KAZN: variants seen among roughly 807,000 people sequenced by gnomAD.
KAZN encodes kazrin, periplakin interacting protein, also known as kazrin.
Under a neutral mutation model 87.4 loss-of-function variants are expected in KAZN, and 40 were observed. The observed-to-expected ratio is 0.46, with a 90% confidence interval of 0.36 to 0.60. KAZN has a LOEUF of 0.60. Ranked by LOEUF, KAZN falls within the 20% of genes least tolerant of loss-of-function variation. The pLI, the probability that KAZN is intolerant of heterozygous loss-of-function variation, is 0.00. For missense variants in KAZN, 898 were observed against 1,073.9 expected (o/e 0.84, Z 2.29); for synonymous variants, 466 against 458.3 (o/e 1.02, Z -0.22).
chr1:14,976,442 G>C (rs1256732189), intron 2 of KAZN, among the ~76,000 whole-genome samples: 2 of 152,224 alleles, frequency 1.3e-5, no homozygotes, highest in Non-Finnish European at 2.9e-5. Flanking sequence ...CTGAATTCCG[G>C]AGGAACTGCT....
intron 2 of KAZN, among the ~76,000 whole-genome samples, chr1:14,980,871 G>T (rs1268387622): frequency 1.3e-5 from 2 of 152,162 alleles, no homozygotes; most frequent in Non-Finnish European, 2.9e-5. Context: ...GGAGGCAGGA[G>T]GGGGAGGTGG....
intron 2 of KAZN, among the ~76,000 whole-genome samples, chr1:14,573,034 G>C (rs559080532): frequency 3.3e-5 from 5 of 152,072 alleles, no homozygotes; most frequent in Non-Finnish European, 7.4e-5. Flanking sequence ...AAATGTAACC[G>C]ATCACTCATG....
intron 2 of KAZN, among the ~76,000 whole-genome samples, chr1:14,440,401 G>C (rs1317315707): frequency 6.6e-6 from 1 of 152,190 alleles, no homozygotes; most frequent in Non-Finnish European, 1.5e-5. Context: ...AGACATGAAG[G>C]ATCGGGCGTG....
In KAZN at chr1:14,920,031, A is replaced by G. The variant is rs958516814; in HGVS notation, c.227-40653A>G. 2.4e-4 allele frequency among the ~76,000 whole-genome samples: 37 copies of G among 152,292 alleles called. 1 individual carries two copies. The highest frequency in any genetic ancestry group is 3.4e-3 in the Middle Eastern group (1 of 294). On this transcript the variant is annotated intron_variant, in intron 1 of 14. Coordinates refer to ENST00000376030, the MANE Select transcript of KAZN (RefSeq NM_201628.3). ...CCCTGTCCTTGTCATTAAGTGATGC[A>G]TGACTATTTTAAAATCATAGCCAAA...
intron 1 of KAZN, among the ~76,000 whole-genome samples, chr1:14,704,780 G>A (rs1211698752): frequency 1.3e-5 from 2 of 152,202 alleles, no homozygotes; most frequent in Non-Finnish European, 2.9e-5. Context: ...CAGAGACATG[G>A]CAGGAGGGCA....
chr1:14,040,798 TTAAAA>T (rs1180633921), intron 1 of KAZN, among the ~76,000 whole-genome samples: 52 of 128,442 alleles, frequency 4.0e-4, no homozygotes, highest in Middle Eastern at 3.8e-3. Context: ...TTAAATTAAA[TTAAAA>T]TAAAATAAAA....
chr1:14,261,281 A>T (rs984327653), intron 2 of KAZN, among the ~76,000 whole-genome samples: 1 of 152,224 alleles, frequency 6.6e-6, no homozygotes, highest in Admixed American at 6.5e-5. Flanking sequence ...TTTCATGAAG[A>T]TGCATTAAGG....
At chr1:14,240,272 A>G (rs900030865) in intron 2 of KAZN, among the ~76,000 whole-genome samples, 2 of 152,218 alleles carry the variant, frequency 1.3e-5, no homozygotes, top group East Asian at 3.9e-4. Context: ...CAGAGGGAAC[A>G]TGTGGTGAGG....
intron 1 of KAZN, among the ~76,000 whole-genome samples, chr1:13,988,152 A>G (rs1468580559): frequency 2.0e-5 from 3 of 152,190 alleles, no homozygotes; most frequent in Non-Finnish European, 4.4e-5. Context: ...ACACAGGCAA[A>G]CCATAACAGA....
intron 1 of KAZN, among the ~76,000 whole-genome samples, chr1:14,099,357 CTCTT>C (rs1424849443): frequency 6.6e-6 from 1 of 152,138 alleles, no homozygotes; most frequent in African/African-American, 2.4e-5. Flanking sequence ...TTTTCTTTCT[CTCTT>C]CCTTCCTCAT....
At chr1:14,402,063 T>A (rs1489992873) in intron 2 of KAZN, among the ~76,000 whole-genome samples, 2 of 144,792 alleles carry the variant, frequency 1.4e-5, no homozygotes, top group African/African-American at 5.1e-5. Flanking sequence ...ACAATTTTAG[T>A]ATTTTCAAAA....
chr1:15,010,414 G>A (rs545694988), intron 2 of KAZN, among the ~76,000 whole-genome samples: 40 of 143,412 alleles, frequency 2.8e-4, no homozygotes, highest in African/African-American at 7.8e-4. Context: ...TTTTTGAGAC[G>A]GAGTCTCGCT....
intron 2 of KAZN, among the ~76,000 whole-genome samples, chr1:14,325,491 A>G (rs1448780926): frequency 6.6e-6 from 1 of 152,192 alleles, no homozygotes; most frequent in Non-Finnish European, 1.5e-5. Flanking sequence ...TCTATAAGAC[A>G]CCATAAAGCA....
At chr1:14,150,141 G>A (rs1645441330) in intron 1 of KAZN, among the ~76,000 whole-genome samples, 2 of 152,150 alleles carry the variant, frequency 1.3e-5, no homozygotes, top group African/African-American at 2.4e-5. Flanking sequence ...AGAAATAGAG[G>A]TTCCCAGAGA....
intron 2 of KAZN, among the ~76,000 whole-genome samples, chr1:14,423,419 G>A (rs1367473451): frequency 6.6e-6 from 1 of 152,188 alleles, no homozygotes; most frequent in African/African-American, 2.4e-5. Flanking sequence ...ATCTGTTAAT[G>A]TATTTTCTTG....
intron 1 of KAZN, among the ~76,000 whole-genome samples, chr1:14,603,945 T>C (rs1480931133): frequency 6.6e-6 from 1 of 152,150 alleles, no homozygotes; most frequent in African/African-American, 2.4e-5. Context: ...CATGTTTTCT[T>C]TATGTATTAT....
chr1:14,754,568 G>A (rs1408340154), intron 1 of KAZN, among the ~76,000 whole-genome samples: 12 of 152,160 alleles, frequency 7.9e-5, no homozygotes, highest in Non-Finnish European at 1.5e-5. Context: ...GAGAAGTAGA[G>A]GTTGCAGTGA....
chr1:14,161,820 C>T (rs1645716492), intron 1 of KAZN, among the ~76,000 whole-genome samples: 1 of 152,210 alleles, frequency 6.6e-6, no homozygotes, highest in Admixed American at 6.5e-5. Context: ...AACTCAAAGT[C>T]TGGAATCTCA....
At chr1:14,062,558 TA>T (rs1277660830) in intron 1 of KAZN, among the ~76,000 whole-genome samples, 2 of 152,248 alleles carry the variant, frequency 1.3e-5, no homozygotes, top group Admixed American at 1.3e-4. Context: ...CAATAAATTG[TA>T]AACACAGCCA....
Sources: gnomAD v4.1 joint callset for allele counts (sites outside exome capture counted in the v4.1 genomes callset) on GRCh38, gnomAD v4.1.1 for gene constraint, MANE v1.5 for transcripts, NCBI Gene and HGNC (gene_info 2026-07-23, HGNC 2026-07-21) for gene names.